ABL2: variants seen among roughly 807,000 people sequenced by gnomAD.
The protein encoded by ABL2 is tyrosine-protein kinase ABL2.
ABL2 carries 49 observed loss-of-function variants against 107.7 expected under a neutral mutation model. The observed-to-expected ratio is 0.45, with a 90% confidence interval of 0.36 to 0.58. ABL2 has a LOEUF of 0.58. Ranked by LOEUF, ABL2 falls within the 20% of genes least tolerant of loss-of-function variation. ABL2 has a pLI of 0.00. For missense variants in ABL2, 1,245 were observed against 1,457.0 expected (o/e 0.85, Z 2.37); for synonymous variants, 549 against 548.6 (o/e 1.00, Z -0.01).
Position 179,215,694 on chromosome 1 carries a change from C to CAA in ABL2, c.157+13545_157+13546dup, listed in dbSNP as rs879696561. Among the ~76,000 whole-genome samples the CAA allele has an allele frequency of 2.4e-5, 3 of 123,100 alleles. No individual in the cohort carries two copies. The South Asian group carries it at 7.8e-4, about 32-fold the overall frequency. 80.8% of individuals were successfully genotyped at this position (123,100 alleles called of 152,430 possible). On this transcript the variant is annotated intron_variant, in intron 1 of 11. Transcript: ENST00000502732. ...TGGGCAACAGAGCCAGACTCTGCCTCAAAAAAAAAAAAGAAAAGAAAAGTG... is the reference window on the plus strand; with the variant it reads ...TGGGCAACAGAGCCAGACTCTGCCTCAAAAAAAAAAAAAAGAAAAGAAAAGTG...
At chr1:179,133,432 A>C in intron 1 of ABL2, 58 bp from the exon 2 acceptor site, 1 of 1,613,592 alleles carries the variant, frequency 6.2e-7, no homozygotes, top group Admixed American at 1.7e-5. Context: ...ATAGTTTAAC[A>C]TCAAGCTAAA....
At chr1:179,155,377 G>C (rs1439349647) in intron 1 of ABL2, among the ~76,000 whole-genome samples, 4 of 152,156 alleles carry the variant, frequency 2.6e-5, no homozygotes, top group African/African-American at 9.7e-5. Flanking sequence ...CCCAGCAACA[G>C]GGTAATCACA....
intron 1 of ABL2, among the ~76,000 whole-genome samples, chr1:179,159,564 T>G (rs1658936584): frequency 6.6e-6 from 1 of 152,230 alleles, no homozygotes; most frequent in Non-Finnish European, 1.5e-5. Context: ...CTTCAAAATG[T>G]GTCGTTTTTG....
In ABL2 at chr1:179,112,354, G is replaced by A; in HGVS notation, c.1606C>T (p.His536Tyr). The change falls in exon 10 of 12, where the codon CAC becomes TAC. Residue 536 changes from histidine (H) to tyrosine (Y), a missense_variant. His to Tyr is a moderately conservative substitution (Grantham distance 83). Transcript: ENST00000502732. ...TGGAACATGGTTTCAAAAGCTTGGT[G>A]TGTTTCAGCAAAAGAGGGCCTATCG... ...PADRPSFAET[H>Y]QAFETMFHDS... is the part of the protein sequence containing the mutation. 1.9e-6 allele frequency: 3 copies of A among 1,613,944 alleles called. No individual in the cohort carries two copies. Among genetic ancestry groups the A allele is most frequent in the Non-Finnish European group, 2.5e-6 (3 of 1,179,876 alleles).
chr1:179,119,505 T>C lies in ABL2; in HGVS notation c.1045+685A>G, dbSNP rs187866022. ...CAGCCAGGGTGACAGAGCAAGACTC[T>C]GTATTTAAAAAACAAACAAAAAAAA... is the stretch of plus-strand genomic sequence containing the variant. On this transcript the variant is annotated intron_variant, in intron 6 of 11. Coordinates refer to ENST00000502732, the MANE Select transcript of ABL2 (RefSeq NM_007314.4). 2.4e-3 allele frequency among the ~76,000 whole-genome samples: 365 copies of C among 149,190 alleles called. 1 individual carries two copies. The highest frequency in any genetic ancestry group is 8.8e-3 in the African/African-American group (354 of 40,332).
At position 179,100,118 on chromosome 1, in the gene ABL2, T is replaced by C. The variant is rs908259827; in HGVS notation, c.*7600A>G. On this transcript the variant is annotated 3_prime_UTR_variant, in exon 12 of 12. Coordinates refer to ENST00000502732, the MANE Select transcript of ABL2 (RefSeq NM_007314.4). ...AGAACCATAAACAAGTATCTCATTG[T>C]TCCTTTCTAGTTTCTGAATACTGAT... 2 of 231,502 alleles carry C rather than the reference T, an allele frequency of 8.6e-6. No individual in the cohort carries two copies. Among genetic ancestry groups the C allele is most frequent in the African/African-American group, 4.4e-5 (2 of 45,274 alleles). The allele number at this position is 231,502 out of a possible 1,614,324, so 14.3% of individuals were successfully genotyped here. A position where few individuals can be genotyped will look rare whatever the true frequency, so the allele number is the denominator to read the frequency against.
intron 9 of ABL2, among the ~76,000 whole-genome samples, chr1:179,113,710 C>T (rs575353198): frequency 3.3e-5 from 5 of 152,060 alleles, no homozygotes; most frequent in East Asian, 1.9e-4. Context: ...AGGCGGATCA[C>T]GAGGTCAGGA....
intron 1 of ABL2, among the ~76,000 whole-genome samples, chr1:179,150,510 G>A (rs1456515938): frequency 1.3e-5 from 2 of 152,206 alleles, no homozygotes; most frequent in Admixed American, 1.3e-4. Context: ...AATTACAAGT[G>A]GAGTCTGAAG....
intron 1 of ABL2, among the ~76,000 whole-genome samples, chr1:179,181,946 A>ATTTTTTTTTT (rs34828452): frequency 0.023 from 2,138 of 91,036 alleles, no homozygotes; most frequent in Non-Finnish European, 0.028. Context: ...AGGCCCGGCT[A>ATTTTTTTTTT]TTTTTTTTTT....
intron 1 of ABL2, among the ~76,000 whole-genome samples, chr1:179,164,798 T>C (rs1001674979): frequency 2.0e-5 from 3 of 152,228 alleles, no homozygotes; most frequent in African/African-American, 7.2e-5. Flanking sequence ...TATATATGAA[T>C]GTATCTGTGT....
rs1426450675 is a variant in ABL2 at position 179,108,956 on chromosome 1, T to C, written c.2311A>G (p.Ser771Gly). The change falls in exon 12 of 12, where the codon AGT becomes GGT. Residue 771 changes from serine to glycine, a missense_variant. Ser to Gly is a moderately conservative substitution (Grantham distance 56, BLOSUM62 0). This residue lies in a region of ABL2 where 761 missense variants were observed against 766.4 expected (regional missense o/e 0.99). Transcript: ENST00000502732. Reference protein sequence around the residue: ...LGLRAGKPTASDDTSKPFPRS... With the variant: ...LGLRAGKPTAGDDTSKPFPRS... Reference sequence around the variant, plus strand: ...GGAAAAGGCTTGGAAGTGTCATCACTGGCTGTGGGTTTACCTGCTCGTAAG... The same window carrying C: ...GGAAAAGGCTTGGAAGTGTCATCACCGGCTGTGGGTTTACCTGCTCGTAAG... 1 of 1,614,182 alleles carries C rather than the reference T, an allele frequency of 6.2e-7. No homozygotes were observed. Among genetic ancestry groups the C allele is most frequent in the Admixed American group, 1.7e-5 (1 of 60,024 alleles).
Position 179,120,365 on chromosome 1 carries a change from C to T in ABL2, c.961-91G>A. Reference sequence around the variant, plus strand: ...CATTCATCTCACAATCATAAAGCTTCAGCTTTAAAAGTAAAAACTATCTTT... The same window carrying T: ...CATTCATCTCACAATCATAAAGCTTTAGCTTTAAAAGTAAAAACTATCTTT... On this transcript the variant is annotated intron_variant, in intron 5 of 11. Coordinates refer to ENST00000502732, the MANE Select transcript of ABL2 (RefSeq NM_007314.4). 6.0e-6 allele frequency: 4 copies of T among 670,372 alleles called. 1 individual carries two copies. In the South Asian group the frequency reaches 7.7e-5, roughly 13 times the overall value. The allele number at this position is 670,372 out of a possible 1,614,324, so 41.5% of individuals were successfully genotyped here.
chr1:179,172,686 C>T (rs1316405137), intron 1 of ABL2, among the ~76,000 whole-genome samples: 3 of 152,106 alleles, frequency 2.0e-5, no homozygotes, highest in Non-Finnish European at 2.9e-5. Context: ...TAGGCATTAA[C>T]AAGAAGGCAA....
intron 1 of ABL2, among the ~76,000 whole-genome samples, chr1:179,168,710 C>A (rs1659536549): frequency 6.6e-6 from 1 of 152,150 alleles, no homozygotes; most frequent in South Asian, 2.1e-4. Context: ...AGAGTAGATA[C>A]ATGACCCTCG....
At chr1:179,202,542 G>A (rs923319388) in intron 1 of ABL2, among the ~76,000 whole-genome samples, 2 of 152,186 alleles carry the variant, frequency 1.3e-5, no homozygotes, top group African/African-American at 4.8e-5. Flanking sequence ...CTAAATACCT[G>A]TATACAAATG....
chr1:179,159,430 A>G (rs1571220894), intron 1 of ABL2, among the ~76,000 whole-genome samples: 1 of 152,362 alleles, frequency 6.6e-6, no homozygotes, highest in Admixed American at 6.5e-5. Context: ...ACATCATTCC[A>G]TAAACTATCG....
chr1:179,200,590 C>CA (rs1317433333), intron 1 of ABL2, among the ~76,000 whole-genome samples: 3 of 151,970 alleles, frequency 2.0e-5, no homozygotes. Context: ...AACTTAAACC[C>CA]AAAAAATGCT....
chr1:179,212,569 C>T (rs1351004450), intron 1 of ABL2, among the ~76,000 whole-genome samples: 1 of 151,452 alleles, frequency 6.6e-6, no homozygotes, highest in Non-Finnish European at 1.5e-5. Context: ...CCTGTCTCTA[C>T]TACAAATAAC....
At chr1:179,164,194 C>T (rs1040136098) in intron 1 of ABL2, among the ~76,000 whole-genome samples, 8 of 151,976 alleles carry the variant, frequency 5.3e-5, no homozygotes, top group South Asian at 4.1e-4. Flanking sequence ...TACTGTGTGA[C>T]GATTTTTTAA....
Sources: gnomAD v4.1 joint callset for allele counts (sites outside exome capture counted in the v4.1 genomes callset) on GRCh38, gnomAD v4.1.1 for gene constraint, gnomAD v4.1.1 regional missense constraint, MANE v1.5 for transcripts, NCBI Gene and HGNC (gene_info 2026-07-23, HGNC 2026-07-21) for gene names.